The following NELL1 variants were observed in gnomAD, a reference collection of about 807,000 sequenced individuals.
NELL1 encodes the protein protein kinase C-binding protein NELL1.
NELL1 carries 76 observed loss-of-function variants against 107.4 expected under a neutral mutation model. That is an observed-to-expected ratio of 0.71 (90% CI 0.59 to 0.86). The LOEUF is 0.86. Ranked by LOEUF, NELL1 falls within the 40% of genes least tolerant of loss-of-function variation. The pLI is 0.00. For synonymous variants in NELL1, 353 were observed against 341.2 expected, an observed-to-expected ratio of 1.03 and a Z score of -0.38; for missense variants, 1,024 against 1,005.5, an observed-to-expected ratio of 1.02 and a Z score of -0.25.
At chr11:21,487,501 A>G (rs1362221923) in intron 15 of NELL1, among the ~76,000 whole-genome samples, 1 of 152,156 alleles carries the variant, frequency 6.6e-6, no homozygotes, top group Non-Finnish European at 1.5e-5. Flanking sequence ...ATGAAAACTC[A>G]TAAAACTGTA....
intron 3 of NELL1, among the ~76,000 whole-genome samples, chr11:20,831,921 A>C (rs907460391): frequency 6.6e-6 from 1 of 152,178 alleles, no homozygotes; most frequent in South Asian, 2.1e-4. Context: ...GCTCTAGGCA[A>C]ATAGATTTTA....
At chr11:21,542,811 A>G (rs935726834) in intron 16 of NELL1, among the ~76,000 whole-genome samples, 1 of 152,128 alleles carries the variant, frequency 6.6e-6, no homozygotes, top group Non-Finnish European at 1.5e-5. Context: ...CAAAGATCAC[A>G]TGTTCAAGAG....
intron 12 of NELL1, among the ~76,000 whole-genome samples, chr11:21,110,735 T>C (rs1017266723): frequency 6.6e-6 from 1 of 152,132 alleles, no homozygotes; most frequent in African/African-American, 2.4e-5. Context: ...CAGAGTGAGA[T>C]GGAGTTCAGT....
At chr11:20,778,118 G>T (rs913623128) in intron 2 of NELL1, among the ~76,000 whole-genome samples, 1 of 152,100 alleles carries the variant, frequency 6.6e-6, no homozygotes, top group Non-Finnish European at 1.5e-5. Context: ...CCTCTCTCCT[G>T]CCTAGTAAGT....
intron 14 of NELL1, among the ~76,000 whole-genome samples, chr11:21,269,371 C>G (rs897287251): frequency 6.6e-6 from 1 of 151,810 alleles, no homozygotes; most frequent in African/African-American, 2.4e-5. Context: ...CTCTCTCTCT[C>G]TCTCTCACAC....
At chr11:21,023,793 G>T (rs905660630) in intron 12 of NELL1, among the ~76,000 whole-genome samples, 9 of 152,048 alleles carry the variant, frequency 5.9e-5, no homozygotes, top group African/African-American at 2.2e-4. Flanking sequence ...GCCTGGTGTG[G>T]TGTCATTGTC....
At chr11:20,729,229 G>C (rs774755487) in intron 2 of NELL1, among the ~76,000 whole-genome samples, 5 of 151,954 alleles carry the variant, frequency 3.3e-5, no homozygotes, top group Non-Finnish European at 7.4e-5. Flanking sequence ...GGGTTTCCTA[G>C]ATATAGAATT....
intron 5 of NELL1, among the ~76,000 whole-genome samples, chr11:20,899,714 T>C (rs982650160): frequency 1.3e-5 from 2 of 151,762 alleles, no homozygotes; most frequent in Non-Finnish European, 2.9e-5. Context: ...CACTGGGAAG[T>C]TTGAGCAAGA....
chr11:21,016,418 AG>A lies in NELL1; in HGVS notation c.1300+55861del, dbSNP rs1852565205. On this transcript the variant is annotated intron_variant, in intron 12 of 19. Coordinates refer to ENST00000357134, the MANE Select transcript of NELL1 (RefSeq NM_006157.5). ...TCAGTAGCTCCCCAAACTCCCAAGCAGGGCACCTCAGGTTTGCCATGATTTA... is the reference window on the plus strand; with the variant it reads ...TCAGTAGCTCCCCAAACTCCCAAGCAGGCACCTCAGGTTTGCCATGATTTA... Among the ~76,000 whole-genome samples the A allele has an allele frequency of 2.0e-5, 3 of 152,204 alleles. No individual in the cohort carries two copies. The South Asian group carries it at 6.2e-4, about 32-fold the overall frequency.
At chr11:21,067,545 T>G (rs578179960) in intron 12 of NELL1, among the ~76,000 whole-genome samples, 1 of 152,206 alleles carries the variant, frequency 6.6e-6, no homozygotes, top group Admixed American at 6.5e-5. Context: ...AAGGAAAAAC[T>G]AATGAAGAAA....
intron 12 of NELL1, among the ~76,000 whole-genome samples, chr11:20,967,960 A>G (rs1851419518): frequency 6.6e-6 from 1 of 152,066 alleles, no homozygotes; most frequent in Admixed American, 6.6e-5. Flanking sequence ...AATTCTTTGC[A>G]TCCCTCCAAT....
At chr11:21,264,988 T>C (rs1394843854) in intron 14 of NELL1, among the ~76,000 whole-genome samples, 1 of 151,974 alleles carries the variant, frequency 6.6e-6, no homozygotes, top group Admixed American at 6.6e-5. Flanking sequence ...TAGAGTGGCA[T>C]AGTAAAGGCC....
At chr11:20,835,395 A>G (rs560794266) in intron 3 of NELL1, among the ~76,000 whole-genome samples, 2 of 152,208 alleles carry the variant, frequency 1.3e-5, no homozygotes, top group Non-Finnish European at 2.9e-5. Context: ...CTTTCACAGT[A>G]TGTAAGCCTG....
chr11:21,221,699 T>G (rs182640774), intron 13 of NELL1, among the ~76,000 whole-genome samples: 30 of 152,278 alleles, frequency 2.0e-4, no homozygotes, highest in African/African-American at 6.3e-4. Context: ...TAATGATTTT[T>G]TTGTTGTTGT....
At chr11:21,375,185 G>C (rs1851446175) in intron 15 of NELL1, among the ~76,000 whole-genome samples, 1 of 151,956 alleles carries the variant, frequency 6.6e-6, no homozygotes, top group Non-Finnish European at 1.5e-5. Flanking sequence ...TCAATAGTTA[G>C]TTTTTCAGCC....
At chr11:20,849,738 G>GA (rs1263524806) in intron 4 of NELL1, among the ~76,000 whole-genome samples, 1 of 152,090 alleles carries the variant, frequency 6.6e-6, no homozygotes, top group Non-Finnish European at 1.5e-5. Flanking sequence ...TAGGTCAGGA[G>GA]AAAAAATGGA....
At chr11:21,092,382 G>A (rs1036731635) in intron 12 of NELL1, among the ~76,000 whole-genome samples, 3 of 152,088 alleles carry the variant, frequency 2.0e-5, no homozygotes, top group Non-Finnish European at 4.4e-5. Flanking sequence ...ACTATTCTGT[G>A]CCTTAGTTTT....
chr11:20,711,040 C>T (rs1855100896), intron 2 of NELL1, among the ~76,000 whole-genome samples: 1 of 151,390 alleles, frequency 6.6e-6, no homozygotes, highest in Non-Finnish European at 1.5e-5. Context: ...CTACTCTGAT[C>T]TTTGTTATTT....
chr11:20,796,300 A>G (rs1322423921), intron 3 of NELL1, among the ~76,000 whole-genome samples: 1 of 152,198 alleles, frequency 6.6e-6, no homozygotes, highest in Non-Finnish European at 1.5e-5. Context: ...AGATGACTTA[A>G]GCTCATATTT....
Sources: gnomAD v4.1 joint callset for allele counts (sites outside exome capture counted in the v4.1 genomes callset) on GRCh38, gnomAD v4.1.1 for gene constraint, MANE v1.5 for transcripts, NCBI Gene and HGNC (gene_info 2026-07-23, HGNC 2026-07-21) for gene names.